The following SARDH variants were observed in gnomAD, a reference collection of about 807,000 sequenced individuals.
SARDH encodes sarcosine dehydrogenase, also known as sarcosine dehydrogenase, mitochondrial.
SARDH carries 95 observed loss-of-function variants against 109.1 expected under a neutral mutation model. The observed-to-expected ratio is 0.87, with a 90% CI of 0.74 to 1.03. SARDH has a LOEUF of 1.03. Among genes scored for constraint, SARDH ranks in the 50% least tolerant of loss-of-function variants. SARDH has a pLI of 0.00. For synonymous variants in SARDH, 572 were observed against 534.8 expected (o/e 1.07, Z -0.96); for missense variants, 1,267 against 1,287.8 (o/e 0.98, Z 0.25).
intron 17 of SARDH, among the ~76,000 whole-genome samples, chr9:133,678,250 C>T (rs1034319932): frequency 7.9e-5 from 12 of 152,226 alleles, no homozygotes; most frequent in Admixed American, 4.6e-4. Flanking sequence ...GGCTCATCTG[C>T]GGCAAGGGTT....
intron 12 of SARDH, 44 bp from the exon 13 acceptor site, chr9:133,703,073 TCCCCG>T: frequency 6.6e-7 from 1 of 1,522,260 alleles, no homozygotes; most frequent in Non-Finnish European, 9.0e-7. Context: ...CTTTGGCCCC[TCCCCG>T]CTTCCCTCCC....
rs923225276 is a variant in SARDH at position 133,733,722 on chromosome 9, T to C, written c.331+121A>G. 4 of 1,013,996 alleles carry C rather than the reference T, an allele frequency of 3.9e-6. No individual in the cohort carries two copies. The African/African-American group carries it at 5.0e-5, about 13-fold the overall frequency. 62.8% of individuals were successfully genotyped at this position (1,013,996 alleles called of 1,614,324 possible). A position where few individuals can be genotyped will look rare whatever the true frequency, so the allele number is the denominator to read the frequency against. On this transcript the variant is annotated intron_variant, in intron 2 of 20. Coordinates refer to ENST00000439388, the MANE Select transcript of SARDH (RefSeq NM_001134707.2). Reference sequence around the variant, plus strand: ...CACCTGCAAACTGGCCATGCACCCTTCCCCAGGGTCTCTTCCCCAGGCTGG... The same window carrying C: ...CACCTGCAAACTGGCCATGCACCCTCCCCCAGGGTCTCTTCCCCAGGCTGG...
chr9:133,720,641 C>G (rs1242248824), intron 6 of SARDH, among the ~76,000 whole-genome samples: 1 of 138,470 alleles, frequency 7.2e-6, no homozygotes, highest in Admixed American at 7.8e-5. Flanking sequence ...TACATGGCAG[C>G]AGGAAAGAGA....
intron 2 of SARDH, among the ~76,000 whole-genome samples, chr9:133,733,413 C>G (rs1832753054): frequency 6.6e-6 from 1 of 152,206 alleles, no homozygotes; most frequent in Non-Finnish European, 1.5e-5. Context: ...TATATGCCCC[C>G]TGGTTAGTTA....
In SARDH at chr9:133,708,290, G is replaced by T. The variant is rs2073815; in HGVS notation, c.1467C>A (p.His489Gln). The T allele has an allele frequency of 7.4e-6, 12 of 1,611,800 alleles. No individual in the cohort carries two copies. The highest frequency in any genetic ancestry group is 5.5e-5 in the South Asian group (5 of 90,914). ...GCAGGAGCTGTAGGGGCGTTACCTCGTGCAGCGGGTCTCTCCTCATGTTGC... is the reference window on the plus strand; with the variant it reads ...GCAGGAGCTGTAGGGGCGTTACCTCTTGCAGCGGGTCTCTCCTCATGTTGC... ...AGRNMRRDPLHEELLGQGCVF... is the reference protein window; with the variant it reads ...AGRNMRRDPLQEELLGQGCVF... Residue 489 changes from histidine to glutamine, a missense_variant, in exon 11 of 21, where the codon CAC (histidine) becomes CAA (glutamine). His to Gln is a conservative substitution (Grantham distance 24, BLOSUM62 0). Coordinates refer to ENST00000439388, the MANE Select transcript of SARDH (RefSeq NM_001134707.2).
rs779062783 is a variant in SARDH, at chr9:133,702,989, G to C, written c.1595C>G (p.Ala532Gly). 6.2e-7 allele frequency: 1 copy of C among 1,613,472 alleles called. No homozygotes were observed. Among genetic ancestry groups the C allele is most frequent in the South Asian group, 1.1e-5 (1 of 91,058 alleles). ...CCTGCGGTAGGCGTAGTCCTCGTGC[G>C]CGCGGCTCCCGTAAGCCCCGTAGTA... ...YDYYGAYGSR[A>G]HEDYAYRRLL... The change falls in exon 13 of 21, where the codon GCG becomes GGG. Residue 532 changes from alanine to glycine, a missense_variant. Coordinates refer to ENST00000439388, the MANE Select transcript of SARDH (RefSeq NM_001134707.2).
chr9:133,677,369 G>A (rs753821851), intron 17 of SARDH, among the ~76,000 whole-genome samples: 2 of 152,156 alleles, frequency 1.3e-5, no homozygotes, highest in African/African-American at 4.8e-5. Context: ...GAATCCGTAG[G>A]GGATGCACCT....
chr9:133,725,501 C>T lies in SARDH; in HGVS notation c.915+4264G>A, dbSNP rs10121093. 3,565 of 433,460 alleles carry T rather than the reference C, an allele frequency of 8.2e-3. 118 individuals carry two copies. Among genetic ancestry groups the T allele is most frequent in the African/African-American group, 0.064 (3,180 of 49,304 alleles). 26.9% of individuals were successfully genotyped at this position (433,460 alleles called of 1,614,324 possible). On this transcript the variant is annotated intron_variant, in intron 6 of 20. Transcript: ENST00000439388. The stretch of plus-strand genomic sequence containing the variant: ...CAGCCTTGGCAACATGGTGAAACTC[C>T]GTCTCTACTAAAATACAAAAAAAAA...
chr9:133,682,433 A>T (rs971531313), intron 17 of SARDH, among the ~76,000 whole-genome samples: 6 of 152,202 alleles, frequency 3.9e-5, no homozygotes. Context: ...ATGGGATTAG[A>T]GGGGTTTTCG....
chr9:133,734,742 CCAAT>C (rs1832824979), intron 1 of SARDH, among the ~76,000 whole-genome samples: 1 of 152,148 alleles, frequency 6.6e-6, no homozygotes, highest in Non-Finnish European at 1.5e-5. Flanking sequence ...GGACAGAGGA[CCAAT>C]AGCTGGAAAG....
At chr9:133,714,434 ATCT>A (rs1253852080) in intron 8 of SARDH, among the ~76,000 whole-genome samples, 6 of 152,162 alleles carry the variant, frequency 3.9e-5, no homozygotes, top group African/African-American at 1.2e-4. Context: ...CGGAGCAGCC[ATCT>A]GGGTGAGAGA....
At position 133,709,688 on chromosome 9, in the gene SARDH, T is replaced by C. The variant is rs1221084650; in HGVS notation, c.1329-1260A>G. Among the ~76,000 whole-genome samples the C allele has an allele frequency of 1.3e-5, 2 of 152,314 alleles. No homozygotes were observed. Among genetic ancestry groups the C allele is most frequent in the East Asian group, 3.9e-4 (2 of 5,178 alleles). ...TATCATTAACAGCTGCTGTCGCTTA[T>C]GGCACCCAGCTCCAGTGCAGGCTCA... On this transcript the variant is annotated intron_variant, in intron 10 of 20. Coordinates refer to ENST00000439388, the MANE Select transcript of SARDH (RefSeq NM_001134707.2). The surrounding 1 kb of genome is among the most constrained non-coding windows in gnomAD (Gnocchi z 4.2).
chr9:133,726,510 G>A (rs1482758826), intron 6 of SARDH, among the ~76,000 whole-genome samples: 2 of 152,034 alleles, frequency 1.3e-5, no homozygotes, highest in Non-Finnish European at 2.9e-5. Flanking sequence ...GGTGGCCAGG[G>A]AAGCCCCTGA....
chr9:133,734,827 C>A (rs988112248), intron 1 of SARDH, among the ~76,000 whole-genome samples: 3 of 152,168 alleles, frequency 2.0e-5, no homozygotes, highest in Middle Eastern at 3.2e-3. Flanking sequence ...GGGCGGGGGC[C>A]GTCCCGCCAG....
Position 133,692,526 on chromosome 9 carries a change from C to T in SARDH, c.1921+1732G>A, listed in dbSNP as rs1314129128. Among the ~76,000 whole-genome samples the T allele has an allele frequency of 3.9e-5, 6 of 152,280 alleles. No individual in the cohort carries two copies. In the East Asian group the frequency reaches 5.8e-4, roughly 15 times the overall value. On this transcript the variant is annotated intron_variant, in intron 15 of 20. Coordinates refer to ENST00000439388, the MANE Select transcript of SARDH (RefSeq NM_001134707.2). This position sits in a 1 kb window ranked among gnomAD's most constrained non-coding sequence, Gnocchi z 5.0. The stretch of plus-strand genomic sequence containing the variant: ...CCTCCCCATCCTTCCAAGCTCAGGC[C>T]GGCCCTCTCCTCCAGGAAGCCTTGC...
chr9:133,695,534 C>G (rs1206707404), intron 14 of SARDH, among the ~76,000 whole-genome samples: 1 of 152,134 alleles, frequency 6.6e-6, no homozygotes, highest in East Asian at 1.9e-4. Context: ...CGAGGAAGGC[C>G]AAGACTCCCG....
chr9:133,676,095 TA>T (rs35597342), intron 17 of SARDH, among the ~76,000 whole-genome samples: 2,830 of 117,102 alleles, frequency 0.024, 47 homozygotes, highest in Middle Eastern at 0.076. Context: ...TGTCTGAAAT[TA>T]AAAAAAAAAA....
chr9:133,716,717 G>C (rs1832136810), intron 8 of SARDH, among the ~76,000 whole-genome samples: 1 of 152,198 alleles, frequency 6.6e-6, no homozygotes, highest in Non-Finnish European at 1.5e-5. Flanking sequence ...AGTTCTCCTG[G>C]GGCTAGCAAG....
intron 11 of SARDH, among the ~76,000 whole-genome samples, chr9:133,705,924 G>A (rs1831679799): frequency 6.6e-6 from 1 of 152,154 alleles, no homozygotes; most frequent in Admixed American, 6.5e-5. Flanking sequence ...CAGTGAGAAG[G>A]TGGCCGACTA....
Sources: gnomAD v4.1 joint callset for allele counts (sites outside exome capture counted in the v4.1 genomes callset) on GRCh38, gnomAD v4.1.1 for gene constraint, Gnocchi (gnomAD v3.1) non-coding constraint, MANE v1.5 for transcripts, NCBI Gene and HGNC (gene_info 2026-07-23, HGNC 2026-07-21) for gene names.